Variants in SVIL observed in about 807,000 individuals in gnomAD.
The protein encoded by SVIL is archvillin.
In SVIL, 101 loss-of-function variants were observed where a neutral mutation model predicts 240.4. That is an observed-to-expected ratio of 0.42 (90% CI 0.36 to 0.50). The LOEUF (loss-of-function observed/expected upper bound fraction) is 0.50. Among genes scored for constraint, SVIL ranks in the 20% least tolerant of loss-of-function variants. The pLI is 0.01. For missense variants in SVIL, 2,512 were observed against 2,818.7 expected (o/e 0.89, Z 2.46); for synonymous variants, 999 against 1,100.0 (o/e 0.91, Z 1.82).
chr10:29,699,321 T>C (rs1391054934), intron 1 of SVIL, among the ~76,000 whole-genome samples: 2 of 150,876 alleles, frequency 1.3e-5, no homozygotes, highest in African/African-American at 4.9e-5. Context: ...TTTTGTTTTT[T>C]TGAGATGGAG....
chr10:29,581,747 G>A (rs1589315959), intron 1 of SVIL, among the ~76,000 whole-genome samples: 1 of 152,170 alleles, frequency 6.6e-6, no homozygotes, highest in East Asian at 1.9e-4. Context: ...TATGGCTAAT[G>A]ACTCTTGGAA....
chr10:29,523,063 T>A (rs914421221), intron 15 of SVIL, among the ~76,000 whole-genome samples: 6 of 152,192 alleles, frequency 3.9e-5, no homozygotes, highest in Non-Finnish European at 8.8e-5. Context: ...AAAACAGGCA[T>A]GCAGGAAGAA....
At chr10:29,551,726 C>G (rs1479126403) in intron 5 of SVIL, among the ~76,000 whole-genome samples, 3 of 152,150 alleles carry the variant, frequency 2.0e-5, no homozygotes, top group Non-Finnish European at 4.4e-5. Flanking sequence ...GTAACCATAA[C>G]GATATGGCCC....
At chr10:29,491,462 G>A (rs1414484801) in intron 21 of SVIL, among the ~76,000 whole-genome samples, 1 of 152,054 alleles carries the variant, frequency 6.6e-6, no homozygotes, top group Non-Finnish European at 1.5e-5. Flanking sequence ...AATCCTCTTC[G>A]CTCGGCCTAA....
intron 1 of SVIL, among the ~76,000 whole-genome samples, chr10:29,577,658 T>C (rs1024183396): frequency 6.6e-6 from 1 of 152,250 alleles, no homozygotes; most frequent in African/African-American, 2.4e-5. Flanking sequence ...GGTGCATGTG[T>C]CTTTTTTATA....
chr10:29,614,306 A>G (rs1000822532), intron 1 of SVIL, among the ~76,000 whole-genome samples: 2 of 152,202 alleles, frequency 1.3e-5, no homozygotes, highest in African/African-American at 4.8e-5. Context: ...CAATCCCATT[A>G]CTGGATATAT....
intron 1 of SVIL, among the ~76,000 whole-genome samples, chr10:29,706,639 A>C (rs1429419817): frequency 1.3e-5 from 2 of 152,288 alleles, no homozygotes; most frequent in South Asian, 4.1e-4. Flanking sequence ...TTTGCTGTGC[A>C]GAAGCTCTTT....
At chr10:29,474,126 G>T (rs1945901514) in intron 29 of SVIL, 137 bp from the exon 30 acceptor site, 2 of 1,189,610 alleles carry the variant, frequency 1.7e-6, no homozygotes, top group African/African-American at 3.1e-5. Context: ...AGAAACCGTT[G>T]GCACCTGGAG....
At chr10:29,463,460 C>A (rs201738133) in intron 35 of SVIL, 32 bp downstream of exon 35, 8 of 1,605,912 alleles carry the variant, frequency 5.0e-6, no homozygotes, top group Non-Finnish European at 6.8e-6. Flanking sequence ...CCCATCTGTT[C>A]CGTGCTGCAG....
chr10:29,633,391 G>C (rs1252757357), intron 1 of SVIL, among the ~76,000 whole-genome samples: 2 of 152,132 alleles, frequency 1.3e-5, no homozygotes, highest in East Asian at 3.9e-4. Flanking sequence ...AGTTTGGCCA[G>C]GGTAATGCTG....
intron 1 of SVIL, among the ~76,000 whole-genome samples, chr10:29,632,155 C>T (rs953366693): frequency 1.1e-4 from 17 of 152,190 alleles, no homozygotes; most frequent in African/African-American, 3.9e-4. Context: ...ATAAAAATCC[C>T]AAGGGCCCTT....
intron 1 of SVIL, among the ~76,000 whole-genome samples, chr10:29,692,675 T>C (rs1225594065): frequency 1.3e-4 from 20 of 151,218 alleles, no homozygotes; most frequent in Non-Finnish European, 1.5e-5. Flanking sequence ...TTTTTTAATA[T>C]AAGGGCAAGG....
intron 2 of SVIL, among the ~76,000 whole-genome samples, chr10:29,567,422 C>G (rs1054402724): frequency 1.3e-5 from 2 of 152,206 alleles, no homozygotes; most frequent in African/African-American, 4.8e-5. Context: ...CTCATATTTT[C>G]GTCTCTTTTA....
At chr10:29,696,919 G>T (rs1338720698) in intron 1 of SVIL, among the ~76,000 whole-genome samples, 2 of 147,530 alleles carry the variant, frequency 1.4e-5, no homozygotes, top group African/African-American at 5.0e-5. Context: ...CCTCTGCCCA[G>T]CCAGGAGCCC....
chr10:29,688,611 A>C (rs1454222910), intron 1 of SVIL, among the ~76,000 whole-genome samples: 1 of 152,178 alleles, frequency 6.6e-6, no homozygotes. Context: ...TCATTTGAGC[A>C]CTGAAATGCA....
intron 1 of SVIL, among the ~76,000 whole-genome samples, chr10:29,719,911 G>A (rs150455699): frequency 6.6e-6 from 1 of 152,252 alleles, no homozygotes; most frequent in Non-Finnish European, 1.5e-5. Flanking sequence ...AAGAAATAAT[G>A]GCTGAAAAAT....
intron 2 of SVIL, among the ~76,000 whole-genome samples, chr10:29,662,646 ACACATGGATGGG>A (rs1959171982): frequency 9.2e-5 from 14 of 152,260 alleles, no homozygotes; most frequent in African/African-American, 2.9e-4. Flanking sequence ...CCAGAAGCAA[ACACATGGATGGG>A]AAAGCCACTA....
At position 29,734,639 on chromosome 10, in the gene SVIL, G is replaced by T. The variant is rs554233075; in HGVS notation, c.-400+1112C>A. 1.1e-4 allele frequency among the ~76,000 whole-genome samples: 17 copies of T among 152,264 alleles called. No homozygotes were observed. The South Asian group carries it at 3.1e-3, about 28-fold the overall frequency. On this transcript the variant is annotated intron_variant, in intron 1 of 35. Transcript: ENST00000375400. ...TGCCCTTTCCTTCCAACAGAAGAAG[G>T]GGGTGGAGGCAGATAAGACAAGACA...
chr10:29,471,031 G>A (rs550058254), intron 31 of SVIL, 107 bp downstream of exon 31: 8 of 1,060,868 alleles, frequency 7.5e-6, no homozygotes, highest in African/African-American at 3.1e-5. Flanking sequence ...TTCAGAGGTC[G>A]AGCCACAGCT....
Sources: gnomAD v4.1 joint callset for allele counts (sites outside exome capture counted in the v4.1 genomes callset) on GRCh38, gnomAD v4.1.1 for gene constraint, MANE v1.5 for transcripts, NCBI Gene and HGNC (gene_info 2026-07-23, HGNC 2026-07-21) for gene names.